Variants in ITIH5 observed in about 807,000 individuals in gnomAD.
ITIH5 encodes inter-alpha-trypsin inhibitor heavy chain 5, also known as inter-alpha-trypsin inhibitor heavy chain H5.
A neutral mutation model predicts 77.5 loss-of-function variants in ITIH5; 65 were observed. That is an observed-to-expected ratio of 0.84 (90% CI 0.69 to 1.03). The LOEUF is 1.03. Among genes scored for constraint, ITIH5 ranks in the 50% least tolerant of loss-of-function variants. ITIH5 has a pLI of 0.00. For missense variants in ITIH5, 1,208 were observed against 1,213.1 expected (o/e 1.00, Z 0.06); for synonymous variants, 525 against 494.3 (o/e 1.06, Z -0.82).
chr10:7,644,760 ACATATATAT>A (rs1360670474), intron 2 of ITIH5, among the ~76,000 whole-genome samples: 2 of 134,112 alleles, frequency 1.5e-5, no homozygotes, highest in Middle Eastern at 3.9e-3. Flanking sequence ...CACATATATC[ACATATATAT>A]CATATATATC....
intron 11 of ITIH5, 180 bp from the exon 12 acceptor site, chr10:7,569,964 A>G: frequency 1.9e-6 from 1 of 515,582 alleles, no homozygotes; most frequent in Non-Finnish European, 3.4e-6. Context: ...AACTCCCCAG[A>G]ATTACCCAGT....
At chr10:7,659,013 C>T (rs558615190) in intron 1 of ITIH5, among the ~76,000 whole-genome samples, 1 of 152,160 alleles carries the variant, frequency 6.6e-6, no homozygotes, top group African/African-American at 2.4e-5. Context: ...AGTTGGTTGG[C>T]GGGCCTTCAA....
chr10:7,623,131 A>G (rs973782227), intron 5 of ITIH5, among the ~76,000 whole-genome samples: 11 of 141,130 alleles, frequency 7.8e-5, no homozygotes, highest in Non-Finnish European at 1.6e-4. Flanking sequence ...GCTCACAGCC[A>G]CGGGCTGGAA....
chr10:7,615,871 C>T (rs904749558), intron 7 of ITIH5, 111 bp downstream of exon 7: 5 of 708,134 alleles, frequency 7.1e-6, no homozygotes, highest in Admixed American at 4.0e-5. Context: ...AGGCAGGAAT[C>T]GCTGGATGGT....
chr10:7,617,903 T>A (rs1158364263), intron 5 of ITIH5: 1 of 152,238 alleles, frequency 6.6e-6, no homozygotes, highest in Non-Finnish European at 1.5e-5. Flanking sequence ...ATCTCCAGTG[T>A]CTGCCTCCAC....
chr10:7,656,909 A>G (rs1834194555), intron 1 of ITIH5, among the ~76,000 whole-genome samples: 1 of 151,296 alleles, frequency 6.6e-6, no homozygotes, highest in Non-Finnish European at 1.5e-5. Flanking sequence ...ACGCCCCGCT[A>G]ATTTTTGTAT....
intron 5 of ITIH5, chr10:7,620,471 T>C (rs1161605985): frequency 1.3e-5 from 2 of 152,144 alleles, no homozygotes; most frequent in East Asian, 3.8e-4. Context: ...CACGTGGTAA[T>C]TTTGAGGAAG....
rs956269893 is a variant in ITIH5, at chr10:7,566,216, C to A, written c.2341G>T (p.Val781Leu). Residue 781 changes from valine to leucine, a missense_variant, in exon 13 of 14, where the codon GTG (valine) becomes TTG (leucine). Coordinates refer to ENST00000397146, the MANE Select transcript of ITIH5 (RefSeq NM_030569.7). ...GACACCTCCAGCCCCCAGCTCCCCACCACCACACTCTGGTTGCAGGGGAGC... is the reference window on the plus strand; with the variant it reads ...GACACCTCCAGCCCCCAGCTCCCCAACACCACACTCTGGTTGCAGGGGAGC... ...LVLPCNQSVV[V>L]GSWGLEVSVS... The A allele has an allele frequency of 6.2e-7, 1 of 1,613,918 alleles. No individual in the cohort carries two copies. The highest frequency in any genetic ancestry group is 8.5e-7 in the Non-Finnish European group (1 of 1,179,906).
At chr10:7,627,219 G>A (rs12252230) in intron 5 of ITIH5, among the ~76,000 whole-genome samples, 18,440 of 151,700 alleles carry the variant, frequency 0.12, 1,283 homozygotes, top group Non-Finnish European at 0.14. Flanking sequence ...CGGGTTGATG[G>A]GTGCAGCAAA....
At chr10:7,624,886 TGTG>T (rs1833549186) in intron 5 of ITIH5, among the ~76,000 whole-genome samples, 1 of 61,704 alleles carries the variant, frequency 1.6e-5, no homozygotes, top group South Asian at 4.9e-4. Flanking sequence ...TGTATATATA[TGTG>T]TATATATATA....
At chr10:7,651,774 T>C (rs1834104843) in intron 2 of ITIH5, among the ~76,000 whole-genome samples, 1 of 152,042 alleles carries the variant, frequency 6.6e-6, no homozygotes, top group Non-Finnish European at 1.5e-5. Flanking sequence ...CCTTGCCCAT[T>C]CCTTCCCATG....
chr10:7,572,454 T>C (rs1337202004), intron 11 of ITIH5: 2 of 1,335,844 alleles, frequency 1.5e-6, no homozygotes, highest in African/African-American at 3.0e-5. Flanking sequence ...CATTTTTATT[T>C]TGGTAGCACC....
intron 7 of ITIH5, among the ~76,000 whole-genome samples, chr10:7,593,466 C>T (rs1350783885): frequency 6.0e-5 from 1 of 16,638 alleles, no homozygotes; most frequent in African/African-American, 1.4e-4. Flanking sequence ...GCCCCACTCA[C>T]CCCTGCAGCC....
At chr10:7,623,976 A>G (rs967756264) in intron 5 of ITIH5, among the ~76,000 whole-genome samples, 1 of 152,206 alleles carries the variant, frequency 6.6e-6, no homozygotes, top group Non-Finnish European at 1.5e-5. Context: ...ATTCAAATTT[A>G]TAGCTGAAGG....
chr10:7,644,897 TCAC>T (rs1413651645), intron 2 of ITIH5, among the ~76,000 whole-genome samples: 4 of 33,928 alleles, frequency 1.2e-4, no homozygotes, highest in Admixed American at 4.0e-4. Flanking sequence ...CATATATATA[TCAC>T]ATATATATAT....
At chr10:7,603,521 C>A (rs908218683) in intron 7 of ITIH5, among the ~76,000 whole-genome samples, 2 of 152,214 alleles carry the variant, frequency 1.3e-5, no homozygotes, top group Non-Finnish European at 2.9e-5. Context: ...GAATGGTATG[C>A]TTTAAAAGGG....
intron 12 of ITIH5, 34 bp downstream of exon 12, chr10:7,569,634 T>C (rs1228481633): frequency 7.0e-7 from 1 of 1,431,220 alleles, no homozygotes; most frequent in South Asian, 1.3e-5. Context: ...TACCTGGTCC[T>C]TGCCCAGATG....
intron 1 of ITIH5, among the ~76,000 whole-genome samples, chr10:7,664,719 C>T (rs921306376): frequency 3.3e-5 from 5 of 152,274 alleles, no homozygotes; most frequent in Middle Eastern, 3.4e-3. Context: ...AGTTAATAGT[C>T]ATATTCAGCT....
At chr10:7,625,656 T>A (rs1244572556) in intron 5 of ITIH5, among the ~76,000 whole-genome samples, 1 of 151,404 alleles carries the variant, frequency 6.6e-6, no homozygotes, top group Admixed American at 6.6e-5. Flanking sequence ...CCCCAGCTAC[T>A]GGGGAGGCTG....
Sources: gnomAD v4.1 joint callset for allele counts (sites outside exome capture counted in the v4.1 genomes callset) on GRCh38, gnomAD v4.1.1 for gene constraint, MANE v1.5 for transcripts, NCBI Gene and HGNC (gene_info 2026-07-23, HGNC 2026-07-21) for gene names.